CLSTN2: variants seen among roughly 807,000 people sequenced by gnomAD.
CLSTN2 encodes calsyntenin 2, also known as calsyntenin-2.
Under a neutral mutation model 101.2 loss-of-function variants are expected in CLSTN2, and 48 were observed. The observed-to-expected ratio is 0.47, with a 90% CI of 0.38 to 0.60. The LOEUF is 0.60. Among genes scored for constraint, CLSTN2 ranks in the 20% least tolerant of loss-of-function variants. The probability of loss-of-function intolerance (pLI) is 0.00; values close to 1 mark genes in which losing one functional copy is unlikely to be tolerated. For synonymous variants in CLSTN2, 481 were observed against 463.6 expected, an observed-to-expected ratio of 1.04 and a Z score of -0.48; for missense variants, 1,160 against 1,238.2, an observed-to-expected ratio of 0.94 and a Z score of 0.95.
At chr3:140,230,016 TGTC>T (rs1427229970) in intron 2 of CLSTN2, among the ~76,000 whole-genome samples, 1 of 152,148 alleles carries the variant, frequency 6.6e-6, no homozygotes, top group African/African-American at 2.4e-5. Context: ...CATTCACATC[TGTC>T]TTCTCTAGTA....
At chr3:140,519,534 A>G (rs1934985366) in intron 8 of CLSTN2, among the ~76,000 whole-genome samples, 1 of 152,204 alleles carries the variant, frequency 6.6e-6, no homozygotes. Context: ...GTGCATATAT[A>G]TTTAGGATAG....
chr3:140,325,374 G>A (rs1033688464), intron 2 of CLSTN2, among the ~76,000 whole-genome samples: 1 of 152,186 alleles, frequency 6.6e-6, no homozygotes, highest in African/African-American at 2.4e-5. Context: ...TTGCCAGAGG[G>A]CCAGTATGAT....
At position 140,563,214 on chromosome 3, in the gene CLSTN2, C is replaced by T. The variant is rs746607058; in HGVS notation, c.2482+11C>T. 12 of 1,612,806 alleles carry T rather than the reference C, an allele frequency of 7.4e-6. No homozygotes were observed. The highest frequency in any genetic ancestry group is 9.3e-6 in the Non-Finnish European group (11 of 1,179,322). On this transcript the variant is annotated intron_variant, in intron 15 of 16. Transcript: ENST00000458420. ...TCCAGCACAGTTCAGGTAGGGTGCC[C>T]AAGAGGAGGGACCCTCAGGACACAG...
chr3:140,459,437 G>T lies in CLSTN2; in HGVS notation c.974-84G>T, dbSNP rs9836487. 2.0e-6 allele frequency: 3 copies of T among 1,490,202 alleles called. No homozygotes were observed. In the East Asian group the frequency reaches 6.8e-5, roughly 34 times the overall value. The allele number at this position is 1,490,202 out of a possible 1,614,324, so 92.3% of individuals were successfully genotyped here. ...AGACGTCTCTGAGTAAGTACACTGA[G>T]TAGTTCACCTTGACCCAGGAGCAGA... On this transcript the variant is annotated intron_variant, in intron 6 of 16. Transcript: ENST00000458420.
chr3:140,053,572 G>T (rs769075391), intron 1 of CLSTN2, among the ~76,000 whole-genome samples: 1 of 152,168 alleles, frequency 6.6e-6, no homozygotes, highest in Non-Finnish European at 1.5e-5. Context: ...GAGCCAGCTC[G>T]CAACAGGAGC....
At chr3:140,318,897 C>T (rs1225190899) in intron 2 of CLSTN2, among the ~76,000 whole-genome samples, 2 of 152,128 alleles carry the variant, frequency 1.3e-5, no homozygotes, top group Non-Finnish European at 2.9e-5. Context: ...ACAATCTGTC[C>T]TCTGAGTTCT....
chr3:140,550,495 G>T (rs2107788550), intron 10 of CLSTN2, among the ~76,000 whole-genome samples: 1 of 151,626 alleles, frequency 6.6e-6, no homozygotes, highest in South Asian at 2.1e-4. Flanking sequence ...CTTCCTTAGG[G>T]TTTTGTCAAT....
At chr3:139,972,448 A>G (rs1935729066) in intron 1 of CLSTN2, among the ~76,000 whole-genome samples, 1 of 152,170 alleles carries the variant, frequency 6.6e-6, no homozygotes, top group Non-Finnish European at 1.5e-5. Context: ...TGTGAATACT[A>G]AGCTGAGTGG....
intron 11 of CLSTN2, among the ~76,000 whole-genome samples, chr3:140,557,656 AGT>A (rs1184996085): frequency 6.6e-6 from 1 of 152,182 alleles, no homozygotes; most frequent in African/African-American, 2.4e-5. Context: ...AAGAGGATGG[AGT>A]AGCTCAGCAT....
chr3:140,097,436 A>G (rs973349860), intron 1 of CLSTN2, among the ~76,000 whole-genome samples: 1 of 152,192 alleles, frequency 6.6e-6, no homozygotes, highest in Non-Finnish European at 1.5e-5. Context: ...CACCTTGATG[A>G]TAATAATGCT....
At chr3:140,233,213 GCCTGTGTTTCCT>G (rs1228017662) in intron 2 of CLSTN2, among the ~76,000 whole-genome samples, 8 of 152,074 alleles carry the variant, frequency 5.3e-5, no homozygotes, top group Non-Finnish European at 8.8e-5. Context: ...TGCTATAACT[GCCTGTGTTTCCT>G]CCCGCCTCTA....
intron 1 of CLSTN2, among the ~76,000 whole-genome samples, chr3:140,123,590 T>A (rs35593784): frequency 6.6e-6 from 1 of 152,044 alleles, no homozygotes; most frequent in Non-Finnish European, 1.5e-5. Context: ...CTTAGTCAGC[T>A]CAGGCTGCCA....
At chr3:140,545,536 T>C (rs1397713048) in intron 9 of CLSTN2, among the ~76,000 whole-genome samples, 1 of 152,222 alleles carries the variant, frequency 6.6e-6, no homozygotes, top group African/African-American at 2.4e-5. Context: ...TGCGTTGTTC[T>C]TCTTCTCTGA....
At chr3:139,970,795 T>C (rs568767472) in intron 1 of CLSTN2, among the ~76,000 whole-genome samples, 1 of 152,310 alleles carries the variant, frequency 6.6e-6, no homozygotes, top group East Asian at 1.9e-4. Context: ...TCATAAGTCA[T>C]GACAGGACAG....
intron 2 of CLSTN2, among the ~76,000 whole-genome samples, chr3:140,365,486 G>A (rs1404989197): frequency 6.6e-6 from 1 of 152,122 alleles, no homozygotes; most frequent in Non-Finnish European, 1.5e-5. Context: ...CAAACAAATG[G>A]TCTTATTTGC....
At chr3:140,056,792 T>A (rs920419387) in intron 1 of CLSTN2, among the ~76,000 whole-genome samples, 20 of 152,182 alleles carry the variant, frequency 1.3e-4, no homozygotes, top group African/African-American at 4.6e-4. Context: ...TGAAAAAAAA[T>A]GAACTATTTT....
At chr3:140,127,035 CAT>C (rs1054082068) in intron 1 of CLSTN2, among the ~76,000 whole-genome samples, 1 of 151,856 alleles carries the variant, frequency 6.6e-6, no homozygotes, top group Non-Finnish European at 1.5e-5. Context: ...ATATATATAT[CAT>C]GTGTCATTAT....
intron 2 of CLSTN2, among the ~76,000 whole-genome samples, chr3:140,205,965 C>T (rs2010776857): frequency 6.6e-6 from 1 of 151,970 alleles, no homozygotes; most frequent in African/African-American, 2.4e-5. Context: ...CTTCTCTATT[C>T]CCAAAAAGCA....
intron 1 of CLSTN2, among the ~76,000 whole-genome samples, chr3:140,171,674 G>T (rs1184672611): frequency 1.7e-4 from 2 of 11,988 alleles, no homozygotes; most frequent in Admixed American, 1.7e-3. Flanking sequence ...TATATAATAT[G>T]TATTATATAT....
Sources: allele counts gnomAD v4.1 joint callset (sites outside exome capture counted in the v4.1 genomes callset), GRCh38; gene constraint gnomAD v4.1.1; transcripts MANE v1.5; gene names NCBI Gene and HGNC (gene_info 2026-07-23, HGNC 2026-07-21).